BUB1B: variants seen among roughly 807,000 people sequenced by gnomAD.
BUB1B encodes BUB1 mitotic checkpoint serine/threonine kinase B.
A neutral mutation model predicts 137.7 loss-of-function variants in BUB1B; 86 were observed. The ratio of observed to expected loss-of-function variants is 0.62; its 90% CI spans 0.52 to 0.75. BUB1B has a LOEUF of 0.75. BUB1B is among the 30% of genes least tolerant of loss of function. The pLI, the probability that BUB1B is intolerant of heterozygous loss-of-function variation, is 0.00. For missense variants in BUB1B, 1,130 were observed against 1,236.9 expected (o/e 0.91, Z 1.30); for synonymous variants, 420 against 417.9 (o/e 1.00, Z -0.06).
intron 5 of BUB1B, among the ~76,000 whole-genome samples, chr15:40,180,840 G>A (rs549615662): frequency 1.8e-3 from 264 of 150,784 alleles, no homozygotes; most frequent in African/African-American, 6.4e-3. Flanking sequence ...AGTAGAGATG[G>A]GGTTTCACCA....
In BUB1B at chr15:40,220,737, C is replaced by T. The variant is rs1488161512; in HGVS notation, c.3131C>T (p.Pro1044Leu). Residue 1044 changes from proline to leucine, a missense_variant, in exon 23 of 23, where the codon CCT (proline) becomes CTT (leucine). Transcript: ENST00000287598. ...ALWKVGKLTS[P>L]GALLFQ The stretch of plus-strand genomic sequence containing the variant: ...TGGAAGGTAGGGAAGTTAACTAGTC[C>T]TGGGGCTTTGCTCTTTCAGTGAGCT... 1 of 1,614,154 alleles carries T rather than the reference C, an allele frequency of 6.2e-7. No individual in the cohort carries two copies.
chr15:40,187,588 C>T (rs1235517951), intron 8 of BUB1B, among the ~76,000 whole-genome samples: 2 of 151,964 alleles, frequency 1.3e-5, no homozygotes, highest in Non-Finnish European at 2.9e-5. Flanking sequence ...AAGAACCTAT[C>T]TCTAAAAAAT....
chr15:40,161,329 C>A, intron 1 of BUB1B, 74 bp downstream of exon 1: 1 of 1,528,120 alleles, frequency 6.5e-7, no homozygotes, highest in Non-Finnish European at 8.8e-7. Context: ...AGGCTCCGCT[C>A]GGAGCAGTCG....
intron 8 of BUB1B, among the ~76,000 whole-genome samples, chr15:40,186,727 G>C (rs1032433563): frequency 2.0e-5 from 3 of 151,460 alleles, no homozygotes; most frequent in African/African-American, 7.3e-5. Context: ...TTACAGGCGT[G>C]AGCCACTGCG....
At chr15:40,166,142 C>T (rs1036525110) in intron 2 of BUB1B, among the ~76,000 whole-genome samples, 13 of 152,296 alleles carry the variant, frequency 8.5e-5, no homozygotes, top group East Asian at 5.8e-4. Context: ...CGTAAGCTAC[C>T]GCACTCAGCC....
chr15:40,166,565 C>T (rs1483945145), intron 2 of BUB1B: 2 of 239,222 alleles, frequency 8.4e-6, no homozygotes, highest in Non-Finnish European at 1.7e-5. Context: ...TGGTCTCGAT[C>T]TCCTGACCTT....
chr15:40,199,908 G>A (rs1399716088), intron 10 of BUB1B, 181 bp downstream of exon 10: 1 of 621,912 alleles, frequency 1.6e-6, no homozygotes, highest in African/African-American at 1.8e-5. Context: ...AATGGAATTT[G>A]TGGCATGTGA....
At chr15:40,198,924 A>G (rs1430017039) in intron 9 of BUB1B, among the ~76,000 whole-genome samples, 1 of 152,154 alleles carries the variant, frequency 6.6e-6, no homozygotes, top group Non-Finnish European at 1.5e-5. Flanking sequence ...CCCCATCTCC[A>G]AAAACAAACA....
Position 40,206,166 on chromosome 15 carries a change from A to G in BUB1B, c.1735-18A>G. ...TATTGAAATATTTTAGCTAAACTTT[A>G]TATGGTCTTTATTTCAGGATGAATT... On this transcript the variant is annotated intron_variant, in intron 14 of 22. Transcript: ENST00000287598. 2 of 1,613,712 alleles carry G rather than the reference A, an allele frequency of 1.2e-6. No homozygotes were observed. The highest frequency in any genetic ancestry group is 1.6e-4 in the Middle Eastern group (1 of 6,062).
intron 9 of BUB1B, among the ~76,000 whole-genome samples, chr15:40,199,114 G>A (rs2037532996): frequency 1.3e-5 from 2 of 152,098 alleles, no homozygotes; most frequent in Admixed American, 6.5e-5. Flanking sequence ...CAGAACTTTG[G>A]CCCCTTATCA....
intron 4 of BUB1B, 60 bp downstream of exon 4, chr15:40,170,741 A>C: frequency 6.4e-7 from 1 of 1,568,370 alleles, no homozygotes; most frequent in Non-Finnish European, 8.8e-7. Flanking sequence ...TTTTCTCTAG[A>C]GGTATCTGGT....
At chr15:40,212,022 C>T (rs2037719490) in intron 18 of BUB1B, among the ~76,000 whole-genome samples, 2 of 152,210 alleles carry the variant, frequency 1.3e-5, no homozygotes, top group Non-Finnish European at 2.9e-5. Context: ...GACGGGGTTT[C>T]ACCCCTTCAT....
chr15:40,217,803 CAAGT>C, intron 21 of BUB1B, 136 bp downstream of exon 21: 6 of 1,061,640 alleles, frequency 5.7e-6, no homozygotes, highest in Non-Finnish European at 7.2e-6. Context: ...ATCACCAAGT[CAAGT>C]AAAATGTAAC....
rs2037151883 is a variant in BUB1B, at chr15:40,170,697, G to GTGCC, written c.384+17_384+20dup. On this transcript the variant is annotated intron_variant, in intron 4 of 22. Coordinates refer to ENST00000287598, the MANE Select transcript of BUB1B (RefSeq NM_001211.6). ...GCTTAAATTAGTAAGTCTTTCTCAA[G>GTGCC]TGCCATCTGAGTTTTAAATATTAAA... The GTGCC allele has an allele frequency of 6.2e-7, 1 of 1,611,404 alleles. No homozygotes were observed. Among genetic ancestry groups the GTGCC allele is most frequent in the Admixed American group, 1.7e-5 (1 of 59,978 alleles).
In BUB1B at chr15:40,217,492, T is replaced by C. The variant is rs767930381; in HGVS notation, c.2679-4T>C. ...TTATCTCCTTCTCTTAAATCTGGGC[T>C]CAGAATCCACGATCCCTATGATTGT... On this transcript the variant is annotated splice_polypyrimidine_tract_variant and splice_region_variant and intron_variant, in intron 20 of 22. Coordinates refer to ENST00000287598, the MANE Select transcript of BUB1B (RefSeq NM_001211.6). The C allele has an allele frequency of 6.2e-7, 1 of 1,614,016 alleles. No individual in the cohort carries two copies. The highest frequency in any genetic ancestry group is 2.2e-5 in the East Asian group (1 of 44,874).
At chr15:40,193,751 G>A (rs2037465049) in intron 8 of BUB1B, among the ~76,000 whole-genome samples, 1 of 152,092 alleles carries the variant, frequency 6.6e-6, no homozygotes, top group Non-Finnish European at 1.5e-5. Context: ...AAAATTAGCT[G>A]GGCGTGGTGG....
chr15:40,199,501 T>C (rs976830020), intron 9 of BUB1B, 114 bp from the exon 10 acceptor site: 47 of 780,368 alleles, frequency 6.0e-5, no homozygotes, highest in Non-Finnish European at 2.5e-5. Context: ...TCCACTTAAA[T>C]CATTTTCATC....
At chr15:40,180,563 G>C (rs925768144) in intron 5 of BUB1B, among the ~76,000 whole-genome samples, 3 of 151,094 alleles carry the variant, frequency 2.0e-5, no homozygotes, top group Admixed American at 6.6e-5. Context: ...ACTGTACCCA[G>C]CCAACATTTC....
At chr15:40,209,493 C>T in intron 16 of BUB1B, 142 bp from the exon 17 acceptor site, 1 of 972,484 alleles carries the variant, frequency 1.0e-6, no homozygotes, top group East Asian at 2.4e-5. Flanking sequence ...TTCATAAACA[C>T]CTGAGACAGG....
Sources: allele counts gnomAD v4.1 joint callset (sites outside exome capture counted in the v4.1 genomes callset), GRCh38; gene constraint gnomAD v4.1.1; transcripts MANE v1.5; gene names NCBI Gene and HGNC (gene_info 2026-07-23, HGNC 2026-07-21).